Variants in GNAL observed in about 807,000 individuals in gnomAD.
The protein encoded by GNAL is guanine nucleotide-binding protein G(olf) subunit alpha.
GNAL carries 18 observed loss-of-function variants against 55.1 expected under a neutral mutation model. That is an observed-to-expected ratio of 0.33 (90% CI 0.23 to 0.48). The LOEUF is 0.48. Among genes scored for constraint, GNAL ranks in the 20% least tolerant of loss-of-function variants. GNAL has a pLI of 0.99. For missense variants in GNAL, 412 were observed against 614.1 expected (o/e 0.67, Z 3.48); for synonymous variants, 253 against 237.0 (o/e 1.07, Z -0.62).
At chr18:11,869,972 A>G (rs900348131) in intron 9 of GNAL, among the ~76,000 whole-genome samples, 2 of 152,202 alleles carry the variant, frequency 1.3e-5, no homozygotes, top group African/African-American at 2.4e-5. Context: ...AAATAATACA[A>G]ATAAACAATA....
intron 4 of GNAL, among the ~76,000 whole-genome samples, chr18:11,769,109 G>A (rs1376392953): frequency 3.7e-5 from 3 of 80,748 alleles, no homozygotes; most frequent in African/African-American, 1.3e-4. Flanking sequence ...TTATAATATA[G>A]ATTATATAAA....
chr18:11,865,305 C>G (rs1264046642), intron 7 of GNAL, among the ~76,000 whole-genome samples: 2 of 149,694 alleles, frequency 1.3e-5, no homozygotes, highest in African/African-American at 2.6e-5. Context: ...GTCCCCAGGC[C>G]TGCTTTGTCC....
chr18:11,756,141 C>T (rs1415925527), intron 4 of GNAL, among the ~76,000 whole-genome samples: 1 of 152,150 alleles, frequency 6.6e-6, no homozygotes, highest in Non-Finnish European at 1.5e-5. Flanking sequence ...GTTGATGAGG[C>T]ATCCCATATT....
chr18:11,821,406 T>G (rs2035085574), intron 4 of GNAL, among the ~76,000 whole-genome samples: 2 of 152,206 alleles, frequency 1.3e-5, no homozygotes, highest in Non-Finnish European at 2.9e-5. Flanking sequence ...GTGGATTACT[T>G]AACTGATCTG....
intron 5 of GNAL, chr18:11,851,442 A>ACTTAC: frequency 2.1e-6 from 3 of 1,456,680 alleles, no homozygotes; most frequent in Non-Finnish European, 2.7e-6. Context: ...CCGGGAGCGG[A>ACTTAC]CTTACCTTAC....
chr18:11,726,393 C>T (rs1008426900), intron 1 of GNAL, among the ~76,000 whole-genome samples: 3 of 152,240 alleles, frequency 2.0e-5, no homozygotes, highest in African/African-American at 7.2e-5. Flanking sequence ...CTGATTTAAA[C>T]AGCAAATGCC....
At chr18:11,750,492 G>C (rs1378978399) in intron 1 of GNAL, among the ~76,000 whole-genome samples, 1 of 152,032 alleles carries the variant, frequency 6.6e-6, no homozygotes, top group Non-Finnish European at 1.5e-5. Context: ...ACGGCTCCTC[G>C]GACCCCTGGG....
chr18:11,827,568 G>A (rs999478502), intron 5 of GNAL, among the ~76,000 whole-genome samples: 3 of 152,058 alleles, frequency 2.0e-5, no homozygotes, highest in African/African-American at 7.2e-5. Flanking sequence ...AGCCGAGATT[G>A]TACACCTGCA....
At chr18:11,859,911 C>A (rs2036093083) in intron 5 of GNAL, among the ~76,000 whole-genome samples, 1 of 151,964 alleles carries the variant, frequency 6.6e-6, no homozygotes. Context: ...CCACACCTGG[C>A]TAATTTTTGT....
chr18:11,733,910 T>C (rs1456383572), intron 1 of GNAL, among the ~76,000 whole-genome samples: 7 of 150,316 alleles, frequency 4.7e-5, no homozygotes, highest in African/African-American at 1.7e-4. Flanking sequence ...CCAGAACTTG[T>C]GTGTGCGTGT....
chr18:11,790,986 C>CGGTTGAAATT (rs377450210), intron 4 of GNAL, among the ~76,000 whole-genome samples: 1 of 151,854 alleles, frequency 6.6e-6, no homozygotes, highest in South Asian at 2.1e-4. Context: ...AAAACTATTC[C>CGGTTGAAATT]AATACTTAAT....
At chr18:11,713,644 C>T (rs990636562) in intron 1 of GNAL, among the ~76,000 whole-genome samples, 5 of 152,154 alleles carry the variant, frequency 3.3e-5, no homozygotes, top group Non-Finnish European at 7.3e-5. Context: ...TATTCAGTCC[C>T]TCAACACATA....
At chr18:11,697,980 CACATGCCACCCGGAGAGG>C (rs1193442102) in intron 1 of GNAL, among the ~76,000 whole-genome samples, 1 of 152,056 alleles carries the variant, frequency 6.6e-6, no homozygotes, top group Non-Finnish European at 1.5e-5. Flanking sequence ...ACCTGGGGAC[CACATGCCACCCGGAGAGG>C]ACATGCCACC....
At chr18:11,693,153 T>TAATA (rs56860067) in intron 1 of GNAL, among the ~76,000 whole-genome samples, 53,658 of 151,770 alleles carry the variant, frequency 0.35, 13,088 homozygotes, top group African/African-American at 0.7. Context: ...AATTTTAAAA[T>TAATA]AAAGGATATG....
At chr18:11,825,956 G>A (rs898246700) in intron 5 of GNAL, among the ~76,000 whole-genome samples, 3 of 152,138 alleles carry the variant, frequency 2.0e-5, no homozygotes, top group Non-Finnish European at 2.9e-5. Flanking sequence ...ATGTAAAGCT[G>A]TGGATAGCAA....
chr18:11,756,500 C>T (rs2033060702), intron 4 of GNAL, among the ~76,000 whole-genome samples: 1 of 151,472 alleles, frequency 6.6e-6, no homozygotes, highest in Non-Finnish European at 1.5e-5. Flanking sequence ...ATGCACATGT[C>T]AAATGAGAGT....
intron 1 of GNAL, among the ~76,000 whole-genome samples, chr18:11,731,583 C>T (rs566902112): frequency 5.6e-4 from 86 of 152,308 alleles, no homozygotes; most frequent in African/African-American, 1.7e-3. Flanking sequence ...GAAGAAAGAA[C>T]GTAGAAATCC....
intron 5 of GNAL, among the ~76,000 whole-genome samples, chr18:11,829,994 G>A (rs2035342147): frequency 6.6e-6 from 1 of 152,100 alleles, no homozygotes; most frequent in Non-Finnish European, 1.5e-5. Context: ...AAGAGAGCAA[G>A]ACTCCATCTC....
intron 1 of GNAL, among the ~76,000 whole-genome samples, chr18:11,728,318 G>A (rs1349728747): frequency 1.3e-5 from 2 of 152,146 alleles, no homozygotes; most frequent in African/African-American, 4.8e-5. Context: ...TCATTTTAAT[G>A]TCTCTCTGAG....
Sources: allele counts gnomAD v4.1 joint callset (sites outside exome capture counted in the v4.1 genomes callset), GRCh38; gene constraint gnomAD v4.1.1; transcripts MANE v1.5; gene names NCBI Gene and HGNC (gene_info 2026-07-23, HGNC 2026-07-21).